Variants in CEMIP2 observed in about 807,000 individuals in gnomAD.
The protein encoded by CEMIP2 is cell migration inducing hyaluronidase 2.
Under a neutral mutation model 146.9 loss-of-function variants are expected in CEMIP2, and 79 were observed. The ratio of observed to expected loss-of-function variants is 0.54; its 90% CI spans 0.45 to 0.65. CEMIP2 has a LOEUF of 0.65. Ranked by LOEUF, CEMIP2 falls within the 30% of genes least tolerant of loss-of-function variation. The pLI, the probability that CEMIP2 is intolerant of heterozygous loss-of-function variation, is 0.00. For missense variants in CEMIP2, 1,596 were observed against 1,696.2 expected (o/e 0.94, Z 1.04); for synonymous variants, 601 against 606.3 (o/e 0.99, Z 0.13).
At chr9:71,728,040 G>C (rs1258727275) in intron 10 of CEMIP2, among the ~76,000 whole-genome samples, 1 of 151,246 alleles carries the variant, frequency 6.6e-6, no homozygotes, top group Non-Finnish European at 1.5e-5. Flanking sequence ...CAGCCTGGGG[G>C]ACAGAGCGAG....
At chr9:71,705,817 G>A (rs549744009) in intron 17 of CEMIP2, among the ~76,000 whole-genome samples, 4 of 150,264 alleles carry the variant, frequency 2.7e-5, no homozygotes, top group African/African-American at 7.3e-5. Flanking sequence ...ATGTGTGTGT[G>A]TATATATATA....
At chr9:71,751,079 G>A (rs1824238930) in intron 1 of CEMIP2, among the ~76,000 whole-genome samples, 1 of 152,150 alleles carries the variant, frequency 6.6e-6, no homozygotes, top group Non-Finnish European at 1.5e-5. Flanking sequence ...TTTTTTTAAA[G>A]TACTTTTTAA....
intron 1 of CEMIP2, among the ~76,000 whole-genome samples, chr9:71,765,882 A>G (rs529423642): frequency 2.0e-5 from 3 of 152,104 alleles, no homozygotes; most frequent in East Asian, 1.9e-4. Flanking sequence ...AGGTGTTGCA[A>G]TTGCTTCCAG....
chr9:71,747,071 T>C (rs941876005), intron 2 of CEMIP2, among the ~76,000 whole-genome samples: 1 of 152,168 alleles, frequency 6.6e-6, no homozygotes, highest in Non-Finnish European at 1.5e-5. Flanking sequence ...CTTGAATAGG[T>C]ATTATAATAA....
Position 71,750,076 on chromosome 9 carries a change from T to C in CEMIP2, c.298A>G (p.Ile100Val). 6 of 1,611,168 alleles carry C rather than the reference T, an allele frequency of 3.7e-6. No homozygotes were observed. The East Asian group carries it at 1.1e-4, about 30-fold the overall frequency. Reference sequence around the variant, plus strand: ...GCATATTTTGAGGATATTCCTAAAATGATTGCAAGTGCAATAAAAAATGAG... The same window carrying C: ...GCATATTTTGAGGATATTCCTAAAACGATTGCAAGTGCAATAAAAAATGAG... Reference protein sequence around the residue: ...SFSFFIALAIILGISSKYAPD... With the variant: ...SFSFFIALAIVLGISSKYAPD... Residue 100 changes from isoleucine (I) to valine (V), a missense_variant, in exon 2 of 24, where the codon ATT (isoleucine) becomes GTT (valine). Physicochemically the swap from Ile to Val is conservative, Grantham distance 29 (BLOSUM62 3). Transcript: ENST00000377044.
At chr9:71,700,541 C>T in intron 19 of CEMIP2, 101 bp downstream of exon 19, 3 of 1,212,084 alleles carry the variant, frequency 2.5e-6, no homozygotes, top group South Asian at 1.5e-5. Flanking sequence ...GAATTACCCA[C>T]ATCAGCTGCT....
chr9:71,732,920 C>T (rs1477338923), intron 6 of CEMIP2, among the ~76,000 whole-genome samples: 1 of 151,978 alleles, frequency 6.6e-6, no homozygotes, highest in Non-Finnish European at 1.5e-5. Context: ...CTCAAACCCA[C>T]ACACTGACAG....
Position 71,685,251 on chromosome 9 carries a change from G to A in CEMIP2, c.4098C>T (p.Thr1366=), listed in dbSNP as rs751547069. ...GTTCCAGGTCTCTTCTGCGGACAGT[G>A]GTGGCTCTGGGACAACCATATTCGT... ...QLDEYGCPRA[T]TVRRRDLELL... The change falls in exon 24 of 24, where the codon ACC becomes ACT. Residue 1366 remains threonine (T), a synonymous_variant. Coordinates refer to ENST00000377044, the MANE Select transcript of CEMIP2 (RefSeq NM_013390.3). The A allele has an allele frequency of 2.5e-6, 4 of 1,613,728 alleles. No homozygotes were observed. The South Asian group carries it at 4.4e-5, about 18-fold the overall frequency.
chr9:71,699,365 G>C, intron 19 of CEMIP2: 1 of 422,142 alleles, frequency 2.4e-6, no homozygotes, highest in Non-Finnish European at 4.8e-6. Context: ...AGGATCACTT[G>C]AGCCCAGGAG....
At chr9:71,728,265 A>G (rs1589149338) in intron 10 of CEMIP2, among the ~76,000 whole-genome samples, 1 of 9,214 alleles carries the variant, frequency 1.1e-4, no homozygotes, top group Non-Finnish European at 3.9e-4. Context: ...ATACACGTAT[A>G]TATATATATA....
chr9:71,694,470 C>T (rs1822334719), intron 21 of CEMIP2, 39 bp downstream of exon 21: 1 of 1,515,524 alleles, frequency 6.6e-7, no homozygotes, highest in Admixed American at 1.7e-5. Flanking sequence ...TTTGTTATAC[C>T]ACCTAGAACA....
chr9:71,742,952 C>T (rs942471581), intron 4 of CEMIP2, among the ~76,000 whole-genome samples: 6 of 152,158 alleles, frequency 3.9e-5, no homozygotes, highest in Non-Finnish European at 7.4e-5. Flanking sequence ...GGGCACATGG[C>T]TTATGCCTGT....
intron 1 of CEMIP2, among the ~76,000 whole-genome samples, 183 bp downstream of exon 1, chr9:71,768,174 C>T (rs1421535577): frequency 1.3e-5 from 2 of 152,140 alleles, no homozygotes; most frequent in Non-Finnish European, 2.9e-5. Flanking sequence ...GGAAAGGAGG[C>T]GCACGGGGGA....
At chr9:71,741,381 G>C (rs1041444384) in intron 4 of CEMIP2, among the ~76,000 whole-genome samples, 1 of 150,962 alleles carries the variant, frequency 6.6e-6, no homozygotes, top group Non-Finnish European at 1.5e-5. Context: ...ACTTTTAGTA[G>C]AGATGGGGTT....
rs190002815 is a variant in CEMIP2, at chr9:71,686,724, T to C, written c.3852-878A>G. The C allele has an allele frequency of 3.9e-5, 6 of 152,290 alleles. No individual in the cohort carries two copies. The East Asian group carries it at 5.8e-4, about 15-fold the overall frequency. The allele number at this position is 152,290 out of a possible 1,614,324, so 9.4% of individuals were successfully genotyped here. On this transcript the variant is annotated intron_variant, in intron 22 of 23. Transcript: ENST00000377044. ...ATTTCATTACATACATAGGATTGCA[T>C]AGTGGTGAAGTCAGGGCACTTAGGG...
chr9:71,720,268 A>G (rs1354280786), intron 12 of CEMIP2, among the ~76,000 whole-genome samples: 1 of 152,156 alleles, frequency 6.6e-6, no homozygotes, highest in East Asian at 1.9e-4. Context: ...AGACACAAGG[A>G]AAGGCTTATG....
At chr9:71,739,267 C>G (rs762453521) in intron 5 of CEMIP2, among the ~76,000 whole-genome samples, 99 of 135,786 alleles carry the variant, frequency 7.3e-4, no homozygotes, top group Non-Finnish European at 5.4e-4. Context: ...ATTTGGGAGG[C>G]TGAGGCAGAG....
At chr9:71,743,642 T>C (rs548377472) in intron 4 of CEMIP2, among the ~76,000 whole-genome samples, 80 of 152,296 alleles carry the variant, frequency 5.3e-4, no homozygotes, top group African/African-American at 1.9e-3. Context: ...CTGCAGCATG[T>C]CTCACTGTAT....
At chr9:71,724,068 C>A (rs73477454) in intron 11 of CEMIP2, among the ~76,000 whole-genome samples, 2,544 of 152,200 alleles carry the variant, frequency 0.017, 74 homozygotes, top group African/African-American at 0.057. Context: ...GAGGCCAAGG[C>A]AGTCAGTTCA....
Sources: allele counts gnomAD v4.1 joint callset (sites outside exome capture counted in the v4.1 genomes callset), GRCh38; gene constraint gnomAD v4.1.1; transcripts MANE v1.5; gene names NCBI Gene and HGNC (gene_info 2026-07-23, HGNC 2026-07-21).